Variants in KIF13A observed in about 807,000 individuals in gnomAD.
The protein encoded by KIF13A is kinesin-like protein KIF13A.
A neutral mutation model predicts 212.2 loss-of-function variants in KIF13A; 79 were observed. The observed-to-expected ratio is 0.37, with a 90% CI of 0.31 to 0.45. The LOEUF is 0.45. Among genes scored for constraint, KIF13A ranks in the 20% least tolerant of loss-of-function variants. KIF13A has a pLI of 1.00. For synonymous variants in KIF13A, 789 were observed against 808.6 expected (o/e 0.98, Z 0.41); for missense variants, 1,901 against 2,209.0 (o/e 0.86, Z 2.79).
chr6:17,880,681 G>A (rs1340773683), intron 3 of KIF13A, among the ~76,000 whole-genome samples: 4 of 149,294 alleles, frequency 2.7e-5, no homozygotes, highest in African/African-American at 9.9e-5. Context: ...GCCAGAGACT[G>A]CAGTGGGGCT....
intron 2 of KIF13A, among the ~76,000 whole-genome samples, chr6:17,906,656 T>A (rs1360503998): frequency 3.9e-5 from 6 of 151,992 alleles, no homozygotes; most frequent in Admixed American, 1.3e-4. Flanking sequence ...TGGCATATTG[T>A]CCAGGCTGGT....
chr6:17,785,674 A>G lies in KIF13A; in HGVS notation c.3362-33T>C, dbSNP rs1470965069. ...AAAAAATGAGGAGATCAATGCCAAC[A>G]AGAGAGAAAGTATGACTTCTCAGTT... On this transcript the variant is annotated intron_variant, in intron 27 of 38. Coordinates refer to ENST00000259711, the MANE Select transcript of KIF13A (RefSeq NM_022113.6). This position sits in a 1 kb window ranked among gnomAD's most constrained non-coding sequence, Gnocchi z 5.8. 1 of 1,586,044 alleles carries G rather than the reference A, an allele frequency of 6.3e-7. No individual in the cohort carries two copies. Among genetic ancestry groups the G allele is most frequent in the South Asian group, 1.2e-5 (1 of 86,622 alleles).
rs1448048646 is a variant in KIF13A, at chr6:17,785,137, A to C, written c.3488+378T>G. ...ATATATAAGGTATTTTATATACATT[A>C]TCTCTAATTCTCACAATACTACCAA... On this transcript the variant is annotated intron_variant, in intron 28 of 38. Coordinates refer to ENST00000259711, the MANE Select transcript of KIF13A (RefSeq NM_022113.6). The surrounding 1 kb of genome is among the most constrained non-coding windows in gnomAD (Gnocchi z 5.8). Among the ~76,000 whole-genome samples, 1 of 152,234 alleles carries C rather than the reference A, an allele frequency of 6.6e-6. No homozygotes were observed. The highest frequency in any genetic ancestry group is 1.5e-5 in the Non-Finnish European group (1 of 68,044).
rs541952742 is a variant in KIF13A, at chr6:17,838,416, T to C, written c.831-833A>G. 4.6e-5 allele frequency among the ~76,000 whole-genome samples: 7 copies of C among 152,006 alleles called. No individual in the cohort carries two copies. Among genetic ancestry groups the C allele is most frequent in the South Asian group, 2.1e-4 (1 of 4,822 alleles). ...ACAGCTTTCTTTGTAATGTTAACAA[T>C]AGATTTCCATCAAATAAGCTGAAAG... On this transcript the variant is annotated intron_variant, in intron 9 of 38. Coordinates refer to ENST00000259711, the MANE Select transcript of KIF13A (RefSeq NM_022113.6). The surrounding 1 kb of genome is among the most constrained non-coding windows in gnomAD (Gnocchi z 4.2).
At position 17,838,099 on chromosome 6, in the gene KIF13A, G is replaced by C. The variant is rs1766146630; in HGVS notation, c.831-516C>G. ...TGGGAGGCTGAGGCAGGTGGATCATGAGGTCAGGGGTCAGGAGATCAAGAC... is the reference window on the plus strand; with the variant it reads ...TGGGAGGCTGAGGCAGGTGGATCATCAGGTCAGGGGTCAGGAGATCAAGAC... On this transcript the variant is annotated intron_variant, in intron 9 of 38. Coordinates refer to ENST00000259711, the MANE Select transcript of KIF13A (RefSeq NM_022113.6). The surrounding 1 kb of genome is among the most constrained non-coding windows in gnomAD (Gnocchi z 4.2). Among the ~76,000 whole-genome samples the C allele has an allele frequency of 6.6e-6, 1 of 151,988 alleles. No homozygotes were observed. The highest frequency in any genetic ancestry group is 2.4e-5 in the African/African-American group (1 of 41,378).
chr6:17,827,674 T>A (rs1765091114), intron 14 of KIF13A, among the ~76,000 whole-genome samples: 1 of 152,018 alleles, frequency 6.6e-6, no homozygotes, highest in Admixed American at 6.6e-5. Flanking sequence ...TTGAACACCA[T>A]GCCCGGCTAA....
At chr6:17,909,391 C>T (rs1327028933) in intron 2 of KIF13A, among the ~76,000 whole-genome samples, 1 of 151,722 alleles carries the variant, frequency 6.6e-6, no homozygotes, top group African/African-American at 2.4e-5. Context: ...CAAAAATTAG[C>T]CGGGTGTGGT....
chr6:17,954,155 G>T (rs2150575590), intron 2 of KIF13A, among the ~76,000 whole-genome samples: 1 of 152,022 alleles, frequency 6.6e-6, no homozygotes, highest in East Asian at 1.9e-4. Context: ...AAAAAAATTA[G>T]CCAGGTGTGG....
At chr6:17,833,157 C>T (rs1765608359) in intron 12 of KIF13A, among the ~76,000 whole-genome samples, 1 of 151,682 alleles carries the variant, frequency 6.6e-6, no homozygotes, top group South Asian at 2.1e-4. Context: ...ATATACAGGC[C>T]AAACTGTACA....
intron 2 of KIF13A, among the ~76,000 whole-genome samples, chr6:17,954,907 G>T (rs995603214): frequency 1.3e-5 from 2 of 152,046 alleles, no homozygotes; most frequent in Non-Finnish European, 2.9e-5. Flanking sequence ...TCAAACTCCT[G>T]GCCTCAAGTA....
In KIF13A at chr6:17,961,878, T is replaced by C. The variant is rs569695692; in HGVS notation, c.146+25176A>G. ...GTATTCTAGGGTGCTTAGTGTTTGG[T>C]TGGCAACATTGTCTATTTTCCACAT... is the stretch of plus-strand genomic sequence containing the variant. On this transcript the variant is annotated intron_variant, in intron 2 of 38. Transcript: ENST00000259711. This position sits in a 1 kb window ranked among gnomAD's most constrained non-coding sequence, Gnocchi z 4.1. Among the ~76,000 whole-genome samples the C allele has an allele frequency of 5.9e-5, 9 of 152,312 alleles. No individual in the cohort carries two copies. Among genetic ancestry groups the C allele is most frequent in the Admixed American group, 1.3e-4 (2 of 15,298 alleles).
At chr6:17,921,449 A>G (rs1318500997) in intron 2 of KIF13A, among the ~76,000 whole-genome samples, 2 of 152,380 alleles carry the variant, frequency 1.3e-5, no homozygotes, top group Middle Eastern at 3.4e-3. Flanking sequence ...TACTTTTAAA[A>G]ATGTCAGAGG....
At chr6:17,788,613 C>A (rs1761261165) in intron 26 of KIF13A, among the ~76,000 whole-genome samples, 1 of 151,906 alleles carries the variant, frequency 6.6e-6, no homozygotes, top group Non-Finnish European at 1.5e-5. Flanking sequence ...GAAAGAAAAT[C>A]CATCAATTCT....
chr6:17,847,875 G>C (rs955761774), intron 9 of KIF13A, among the ~76,000 whole-genome samples: 1 of 151,996 alleles, frequency 6.6e-6, no homozygotes, highest in Non-Finnish European at 1.5e-5. Context: ...ACAGTGGCGC[G>C]ATCTCGGCTC....
intron 29 of KIF13A, 93 bp from the exon 30 acceptor site, chr6:17,781,394 GT>G: frequency 1.5e-6 from 2 of 1,299,114 alleles, no homozygotes; most frequent in Non-Finnish European, 2.1e-6. Flanking sequence ...TACAGTTGAA[GT>G]TTACACATAA....
At chr6:17,818,998 CTTTTTT>C (rs11438528) in intron 16 of KIF13A, among the ~76,000 whole-genome samples, 1 of 123,420 alleles carries the variant, frequency 8.1e-6, no homozygotes. Context: ...AAATATATCA[CTTTTTT>C]TTTTTTTTTT....
At position 17,855,025 on chromosome 6, in the gene KIF13A, C is replaced by CCACATGAT. The variant is rs1413762313; in HGVS notation, c.494+404_494+411dup. Among the ~76,000 whole-genome samples, 1 of 152,152 alleles carries CCACATGAT rather than the reference C, an allele frequency of 6.6e-6. No individual in the cohort carries two copies. The highest frequency in any genetic ancestry group is 1.5e-5 in the Non-Finnish European group (1 of 68,026). On this transcript the variant is annotated intron_variant, in intron 6 of 38. Transcript: ENST00000259711. This position sits in a 1 kb window ranked among gnomAD's most constrained non-coding sequence, Gnocchi z 4.1. ...GGCAAGTGGATGCTTAAAACGTTCCCCACATGATTCCAATGCACAGCCAGG... is the reference window on the plus strand; with the variant it reads ...GGCAAGTGGATGCTTAAAACGTTCCCCACATGATCACATGATTCCAATGCACAGCCAGG...
Position 17,773,486 on chromosome 6 carries a change from T to C in KIF13A, c.4316A>G (p.Asn1439Ser). 6.3e-7 allele frequency: 1 copy of C among 1,578,572 alleles called. No individual in the cohort carries two copies. Among genetic ancestry groups the C allele is most frequent in the South Asian group, 1.1e-5 (1 of 90,136 alleles). The change falls in exon 36 of 39, where the codon AAT becomes AGT. Residue 1439 changes from asparagine (N) to serine (S), a missense_variant. Physicochemically the swap from Asn to Ser is conservative, Grantham distance 46. Around this residue, in one of 5 missense-constraint regions of KIF13A, gnomAD observed 687 missense variants for 759.1 expected, o/e 0.90. Transcript: ENST00000259711. The surrounding 1 kb of genome is among the most constrained non-coding windows in gnomAD (Gnocchi z 4.2). ...GTLPRDSPRR[N>S]KEGCTSETPH... ...AATAATCTCACCACTACCTTCTTTA[T>C]TCCTTCGAGGAGAATCCCTGGGTAA...
intron 6 of KIF13A, among the ~76,000 whole-genome samples, chr6:17,854,234 G>T (rs1289729941): frequency 6.6e-6 from 1 of 152,132 alleles, no homozygotes; most frequent in Non-Finnish European, 1.5e-5. Flanking sequence ...TGTCTCCTGG[G>T]TTCAAGCAAT....
Sources: allele counts gnomAD v4.1 joint callset (sites outside exome capture counted in the v4.1 genomes callset), GRCh38; gene constraint gnomAD v4.1.1; regional missense constraint gnomAD v4.1.1; non-coding constraint Gnocchi (gnomAD v3.1); transcripts MANE v1.5; gene names NCBI Gene and HGNC (gene_info 2026-07-23, HGNC 2026-07-21).